The following CSMD1 variants were observed in gnomAD, a reference collection of about 807,000 sequenced individuals.
CSMD1 encodes the protein CUB and Sushi multiple domains 1.
In CSMD1, 213 loss-of-function variants were observed where a neutral mutation model predicts 417.5. That is an observed-to-expected ratio of 0.51 (90% CI 0.46 to 0.57). The LOEUF (loss-of-function observed/expected upper bound fraction) is 0.57. Among genes scored for constraint, CSMD1 ranks in the 20% least tolerant of loss-of-function variants. The probability of loss-of-function intolerance (pLI) is 0.00; values close to 1 mark genes in which losing one functional copy is unlikely to be tolerated. For missense variants in CSMD1, 6,923 were observed against 4,529.7 expected (o/e 1.53, Z -15.17); for synonymous variants, 2,862 against 1,736.8 (o/e 1.65, Z -16.11).
intron 3 of CSMD1, among the ~76,000 whole-genome samples, chr8:4,087,756 A>G (rs952609639): frequency 3.3e-5 from 5 of 151,800 alleles, no homozygotes; most frequent in African/African-American, 1.2e-4. Context: ...CGTTCTCTTA[A>G]TCTTCTTTCT....
intron 26 of CSMD1, among the ~76,000 whole-genome samples, chr8:3,269,436 C>G (rs923548883): frequency 6.6e-6 from 1 of 152,234 alleles, no homozygotes; most frequent in Non-Finnish European, 1.5e-5. Context: ...CCAGCCTGTT[C>G]TGCCATGGGC....
chr8:4,777,136 C>T (rs185189793), intron 1 of CSMD1, among the ~76,000 whole-genome samples: 11 of 152,308 alleles, frequency 7.2e-5, no homozygotes, highest in Admixed American at 1.3e-4. Flanking sequence ...GTGAGCTCCA[C>T]ATTGAGACGG....
chr8:3,463,891 C>G (rs1219267246), intron 12 of CSMD1, among the ~76,000 whole-genome samples: 1 of 152,174 alleles, frequency 6.6e-6, no homozygotes, highest in Non-Finnish European at 1.5e-5. Flanking sequence ...CCCCCATACA[C>G]CCTAGGAGCA....
Position 4,242,391 on chromosome 8 carries a change from TC to T in CSMD1, c.415+177561del, listed in dbSNP as rs567234217. ...GCTGTAAATGAGAGAAGAAAACACT[TC>T]CCCCACCCAGCAAATGAGAAAAGGA... On this transcript the variant is annotated intron_variant, in intron 3 of 69. Coordinates refer to ENST00000635120, the MANE Select transcript of CSMD1 (RefSeq NM_033225.6). Among the ~76,000 whole-genome samples, 76 of 152,098 alleles carry T rather than the reference TC, an allele frequency of 5.0e-4. No homozygotes were observed. The South Asian group carries it at 0.016, about 31-fold the overall frequency.
chr8:4,758,426 T>C (rs577886803), intron 1 of CSMD1, among the ~76,000 whole-genome samples: 3 of 152,206 alleles, frequency 2.0e-5, no homozygotes, highest in South Asian at 2.1e-4. Context: ...GAACACAAAA[T>C]GGCATAAAGG....
chr8:3,448,383 G>A (rs1179699186), intron 12 of CSMD1, among the ~76,000 whole-genome samples: 5 of 43,640 alleles, frequency 1.1e-4, no homozygotes, highest in African/African-American at 4.8e-4. Context: ...GGGAGGGGGA[G>A]GAGGGAGGAG....
At chr8:4,111,434 G>C (rs548436542) in intron 3 of CSMD1, among the ~76,000 whole-genome samples, 12 of 152,034 alleles carry the variant, frequency 7.9e-5, no homozygotes, top group Non-Finnish European at 1.5e-4. Flanking sequence ...TATTCCTTAG[G>C]ATATATACCC....
At chr8:4,087,281 C>T (rs1050287204) in intron 3 of CSMD1, among the ~76,000 whole-genome samples, 11 of 152,096 alleles carry the variant, frequency 7.2e-5, no homozygotes, top group African/African-American at 2.4e-4. Flanking sequence ...CTTGCTCACT[C>T]TCCTTCCTTC....
intron 5 of CSMD1, among the ~76,000 whole-genome samples, chr8:3,926,106 C>CCATAG (rs772372080): frequency 3.9e-5 from 2 of 51,106 alleles, no homozygotes; most frequent in Non-Finnish European, 7.7e-5. Flanking sequence ...CACACACACA[C>CCATAG]ACACACACAC....
In CSMD1 at chr8:4,168,578, G is replaced by A. The variant is rs74334669; in HGVS notation, c.416-136479C>T. 3.1e-4 allele frequency among the ~76,000 whole-genome samples: 47 copies of A among 151,856 alleles called. 1 individual carries two copies. The highest frequency in any genetic ancestry group is 4.6e-4 in the Non-Finnish European group (31 of 68,018). ...GATGAGAAGCAGAAGGACAATAGAC[G>A]GGCTTTGCAGGGACAAAACGCTACC... is the stretch of plus-strand genomic sequence containing the variant. On this transcript the variant is annotated intron_variant, in intron 3 of 69. Transcript: ENST00000635120.
At chr8:4,885,438 TTTAACA>T (rs1192103018) in intron 1 of CSMD1, among the ~76,000 whole-genome samples, 7 of 152,066 alleles carry the variant, frequency 4.6e-5, no homozygotes, top group Non-Finnish European at 8.8e-5. Flanking sequence ...CGTTTAGTCT[TTTAACA>T]TTAAGTATAA....
At chr8:4,213,256 C>T (rs1010958093) in intron 3 of CSMD1, among the ~76,000 whole-genome samples, 6 of 152,136 alleles carry the variant, frequency 3.9e-5, no homozygotes, top group African/African-American at 1.4e-4. Flanking sequence ...ATTCTGTCAG[C>T]AAGTGAGGCG....
chr8:4,513,221 A>T (rs1208740200), intron 2 of CSMD1, among the ~76,000 whole-genome samples: 2 of 152,164 alleles, frequency 1.3e-5, no homozygotes, highest in Admixed American at 6.6e-5. Context: ...GGGGATGTTG[A>T]TAATAAAGGA....
At chr8:4,562,748 G>A (rs772787503) in intron 2 of CSMD1, among the ~76,000 whole-genome samples, 43 of 152,038 alleles carry the variant, frequency 2.8e-4, no homozygotes, top group Non-Finnish European at 5.1e-4. Flanking sequence ...ATGCATGCTG[G>A]TGGCTGTTAG....
chr8:3,037,276 G>A (rs71501053), intron 50 of CSMD1, among the ~76,000 whole-genome samples: 29,629 of 144,598 alleles, frequency 0.2, 3,681 homozygotes, highest in Non-Finnish European at 0.27. Context: ...CGGGATCTCG[G>A]CTCACTGCAA....
intron 5 of CSMD1, among the ~76,000 whole-genome samples, chr8:3,869,183 T>C (rs1048318060): frequency 6.6e-6 from 1 of 152,192 alleles, no homozygotes; most frequent in Non-Finnish European, 1.5e-5. Flanking sequence ...TGCTGCACCC[T>C]GAGGCTTCTG....
chr8:3,443,363 C>A (rs1222204070), intron 12 of CSMD1, among the ~76,000 whole-genome samples: 1 of 152,052 alleles, frequency 6.6e-6, no homozygotes, highest in South Asian at 2.1e-4. Context: ...AGAGAGCAAG[C>A]TACTATAGAA....
At chr8:3,267,524 G>A (rs912399884) in intron 26 of CSMD1, among the ~76,000 whole-genome samples, 1 of 152,172 alleles carries the variant, frequency 6.6e-6, no homozygotes, top group Admixed American at 6.5e-5. Context: ...CCAGAGGAGA[G>A]AATCCAGGCA....
intron 2 of CSMD1, among the ~76,000 whole-genome samples, chr8:4,565,067 T>C (rs896579058): frequency 3.9e-5 from 6 of 152,312 alleles, no homozygotes; most frequent in Admixed American, 2.0e-4. Context: ...AGATAAACAC[T>C]GAAGAAAAAC....
Sources: allele counts gnomAD v4.1 joint callset (sites outside exome capture counted in the v4.1 genomes callset), GRCh38; gene constraint gnomAD v4.1.1; transcripts MANE v1.5; gene names NCBI Gene and HGNC (gene_info 2026-07-23, HGNC 2026-07-21).